Variants in GULP1 observed in about 807,000 individuals in gnomAD.
The protein encoded by GULP1 is GULP PTB domain containing engulfment adaptor 1.
Under a neutral mutation model 40.9 loss-of-function variants are expected in GULP1, and 19 were observed. That is an observed-to-expected ratio of 0.46 (90% confidence interval 0.32 to 0.68). GULP1 has a LOEUF of 0.68. Ranked by LOEUF, GULP1 falls within the 30% of genes least tolerant of loss-of-function variation. The pLI is 0.03. For missense variants in GULP1, 312 were observed against 362.2 expected (o/e 0.86, Z 1.12); for synonymous variants, 119 against 117.6 (o/e 1.01, Z -0.08).
intron 6 of GULP1, among the ~76,000 whole-genome samples, chr2:188,530,406 A>G (rs909351230): frequency 6.6e-6 from 1 of 152,218 alleles, no homozygotes; most frequent in Admixed American, 6.5e-5. Context: ...ATTCAAATTC[A>G]TTAACATATA....
At chr2:188,469,946 G>A (rs1294607096) in intron 2 of GULP1, among the ~76,000 whole-genome samples, 1 of 152,090 alleles carries the variant, frequency 6.6e-6, no homozygotes, top group Non-Finnish European at 1.5e-5. Flanking sequence ...ATGTATTGTT[G>A]AATGCAGTTC....
intron 10 of GULP1, among the ~76,000 whole-genome samples, chr2:188,587,509 T>C (rs1702635625): frequency 6.6e-6 from 1 of 152,096 alleles, no homozygotes; most frequent in African/African-American, 2.4e-5. Flanking sequence ...GAGTAGTGCA[T>C]TAATTTTAGC....
chr2:188,539,482 C>T (rs1034237204), intron 6 of GULP1, among the ~76,000 whole-genome samples: 2 of 152,078 alleles, frequency 1.3e-5, no homozygotes, highest in South Asian at 2.1e-4. Flanking sequence ...CATTGTCCAT[C>T]GATGCTTTCT....
intron 2 of GULP1, among the ~76,000 whole-genome samples, chr2:188,440,115 G>T (rs1407498879): frequency 6.6e-6 from 1 of 152,118 alleles, no homozygotes; most frequent in Non-Finnish European, 1.5e-5. Context: ...TGCTAAAATT[G>T]GGCCACAAAT....
chr2:188,438,600 G>A (rs2057644186), intron 2 of GULP1, among the ~76,000 whole-genome samples: 1 of 150,930 alleles, frequency 6.6e-6, no homozygotes, highest in Non-Finnish European at 1.5e-5. Context: ...CTGGTTAATT[G>A]CATTATTCCC....
In GULP1 at chr2:188,563,874, T is replaced by C. The variant is rs141746345; in HGVS notation, c.400-5365T>C. On this transcript the variant is annotated intron_variant, in intron 7 of 11. Transcript: ENST00000409830. ...TTCTTATGACATAGACTTAACACTC[T>C]TTTGCAAAATAATTCCAAATCGAGT... 8.3e-3 allele frequency among the ~76,000 whole-genome samples: 1,267 copies of C among 152,100 alleles called. 6 individuals are homozygous for C. Among genetic ancestry groups the C allele is most frequent in the Non-Finnish European group, 0.014 (961 of 67,830 alleles).
intron 1 of GULP1, among the ~76,000 whole-genome samples, chr2:188,315,830 G>A (rs1218387260): frequency 3.9e-5 from 6 of 152,004 alleles, no homozygotes; most frequent in Non-Finnish European, 7.4e-5. Flanking sequence ...GGTAATAAAA[G>A]TTATATGAAT....
chr2:188,507,277 C>A (rs1295776719), intron 4 of GULP1, among the ~76,000 whole-genome samples: 1 of 151,858 alleles, frequency 6.6e-6, no homozygotes, highest in African/African-American at 2.4e-5. Context: ...CTAGGAAAAT[C>A]CCATTCTAGA....
intron 6 of GULP1, among the ~76,000 whole-genome samples, chr2:188,537,924 G>A (rs765205603): frequency 8.6e-5 from 13 of 151,990 alleles, no homozygotes; most frequent in Non-Finnish European, 1.3e-4. Context: ...GAGGTTCTGC[G>A]TTTCTATAAA....
chr2:188,513,719 G>A (rs931119428), intron 4 of GULP1, among the ~76,000 whole-genome samples: 3 of 151,834 alleles, frequency 2.0e-5, no homozygotes, highest in Admixed American at 1.3e-4. Flanking sequence ...GCACACAATT[G>A]TGCAAGACAC....
intron 3 of GULP1, among the ~76,000 whole-genome samples, chr2:188,481,156 G>A (rs1376078426): frequency 6.6e-6 from 1 of 151,766 alleles, no homozygotes; most frequent in African/African-American, 2.4e-5. Flanking sequence ...TCAATTTTGA[G>A]TTAGTGATTT....
chr2:188,397,137 C>T (rs2051395514), intron 2 of GULP1, among the ~76,000 whole-genome samples: 1 of 152,138 alleles, frequency 6.6e-6, no homozygotes, highest in African/African-American at 2.4e-5. Flanking sequence ...AAGTTTCTAC[C>T]TTGCTTCTTG....
At chr2:188,320,319 A>G (rs1433507988) in intron 1 of GULP1, among the ~76,000 whole-genome samples, 1 of 152,184 alleles carries the variant, frequency 6.6e-6, no homozygotes, top group Non-Finnish European at 1.5e-5. Flanking sequence ...TAAAATTATC[A>G]TAAATAGAAC....
chr2:188,363,972 A>G (rs2152392649), intron 1 of GULP1, among the ~76,000 whole-genome samples: 1 of 152,314 alleles, frequency 6.6e-6, no homozygotes, highest in South Asian at 2.1e-4. Flanking sequence ...TATCAGATCT[A>G]ACATTGCAGC....
chr2:188,525,104 TAC>T, intron 5 of GULP1, among the ~76,000 whole-genome samples: 1 of 152,098 alleles, frequency 6.6e-6, no homozygotes, highest in East Asian at 1.9e-4. Flanking sequence ...TTAGAGAATT[TAC>T]AGTTTATAAA....
intron 2 of GULP1, among the ~76,000 whole-genome samples, chr2:188,388,789 T>A (rs895019935): frequency 6.6e-6 from 1 of 152,170 alleles, no homozygotes; most frequent in Non-Finnish European, 1.5e-5. Context: ...TGTACCTGTA[T>A]GACAAACAAA....
At chr2:188,330,996 A>G (rs1430484696) in intron 1 of GULP1, among the ~76,000 whole-genome samples, 2 of 152,094 alleles carry the variant, frequency 1.3e-5, no homozygotes, top group Non-Finnish European at 2.9e-5. Flanking sequence ...CTTGTGTAGG[A>G]AAAAAAAGTT....
chr2:188,364,065 T>G (rs762973296), intron 1 of GULP1, among the ~76,000 whole-genome samples: 1 of 152,206 alleles, frequency 6.6e-6, no homozygotes, highest in Non-Finnish European at 1.5e-5. Context: ...GCATCTAGCT[T>G]ATTTAGAACT....
At chr2:188,371,139 C>A (rs2047549343) in intron 1 of GULP1, among the ~76,000 whole-genome samples, 1 of 152,100 alleles carries the variant, frequency 6.6e-6, no homozygotes, top group Non-Finnish European at 1.5e-5. Context: ...GATTAGGCTG[C>A]AGTTTTTAAT....
Sources: gnomAD v4.1 joint callset for allele counts (sites outside exome capture counted in the v4.1 genomes callset) on GRCh38, gnomAD v4.1.1 for gene constraint, MANE v1.5 for transcripts, NCBI Gene and HGNC (gene_info 2026-07-23, HGNC 2026-07-21) for gene names.